CNTNAP2: variants seen among roughly 807,000 people sequenced by gnomAD.
CNTNAP2 encodes contactin associated protein 2, also known as contactin-associated protein-like 2.
Under a neutral mutation model 155.2 loss-of-function variants are expected in CNTNAP2, and 98 were observed. The observed-to-expected ratio is 0.63, with a 90% confidence interval of 0.54 to 0.75. CNTNAP2 has a LOEUF of 0.75. CNTNAP2 is among the 30% of genes least tolerant of loss of function. The pLI, the probability that CNTNAP2 is intolerant of heterozygous loss-of-function variation, is 0.00. For synonymous variants in CNTNAP2, 651 were observed against 631.2 expected, an observed-to-expected ratio of 1.03 and a Z score of -0.47; for missense variants, 1,727 against 1,688.1, an observed-to-expected ratio of 1.02 and a Z score of -0.40.
chr7:148,258,049 TG>T (rs1796487089), intron 20 of CNTNAP2, among the ~76,000 whole-genome samples: 1 of 152,218 alleles, frequency 6.6e-6, no homozygotes, highest in Admixed American at 6.5e-5. Context: ...GCCCTTTTCA[TG>T]TGGATCGTAA....
chr7:146,306,045 TA>T (rs1486045106), intron 1 of CNTNAP2, among the ~76,000 whole-genome samples: 1 of 151,806 alleles, frequency 6.6e-6, no homozygotes, highest in African/African-American at 2.4e-5. Flanking sequence ...ATAGACGCAA[TA>T]AAAAATTATA....
chr7:147,127,181 C>A (rs1801258088), intron 6 of CNTNAP2, among the ~76,000 whole-genome samples: 1 of 152,150 alleles, frequency 6.6e-6, no homozygotes, highest in Non-Finnish European at 1.5e-5. Flanking sequence ...CTAATATGTT[C>A]ATTTCAGTGC....
intron 21 of CNTNAP2, among the ~76,000 whole-genome samples, chr7:148,338,462 A>G (rs1026216135): frequency 2.2e-4 from 33 of 152,178 alleles, no homozygotes; most frequent in African/African-American, 7.5e-4. Flanking sequence ...TCCCATGGAC[A>G]AACTCTTCCC....
chr7:146,949,008 A>G (rs1158632349), intron 3 of CNTNAP2, among the ~76,000 whole-genome samples: 3 of 152,148 alleles, frequency 2.0e-5, no homozygotes, highest in African/African-American at 2.4e-5. Flanking sequence ...ATGCTTAACT[A>G]TATTACTTTT....
chr7:148,016,421 T>G (rs1802178098), intron 15 of CNTNAP2, among the ~76,000 whole-genome samples: 1 of 152,148 alleles, frequency 6.6e-6, no homozygotes, highest in Non-Finnish European at 1.5e-5. Context: ...CCCATGACAC[T>G]TGGATGCTCC....
At chr7:147,401,724 C>G (rs144950049) in intron 10 of CNTNAP2, among the ~76,000 whole-genome samples, 4 of 152,234 alleles carry the variant, frequency 2.6e-5, no homozygotes, top group African/African-American at 9.6e-5. Context: ...AGTGAGTTCT[C>G]ATGAGATCTG....
intron 1 of CNTNAP2, among the ~76,000 whole-genome samples, chr7:146,709,820 G>A (rs1240704112): frequency 6.6e-6 from 1 of 152,142 alleles, no homozygotes; most frequent in African/African-American, 2.4e-5. Flanking sequence ...GCCACAAAGG[G>A]CGGCCGGAGG....
At chr7:147,194,956 T>C (rs1343931941) in intron 8 of CNTNAP2, among the ~76,000 whole-genome samples, 1 of 152,232 alleles carries the variant, frequency 6.6e-6, no homozygotes, top group Non-Finnish European at 1.5e-5. Context: ...TGGCTTTTGT[T>C]GTAATTGCTT....
chr7:147,469,527 TTTTTTCTG>T (rs1249162607), intron 10 of CNTNAP2, among the ~76,000 whole-genome samples: 4 of 99,078 alleles, frequency 4.0e-5, no homozygotes, highest in Admixed American at 2.4e-4. Flanking sequence ...TTTTTTTTTT[TTTTTTCTG>T]TGAGACAAAG....
chr7:147,838,228 C>A (rs1265207284), intron 13 of CNTNAP2, among the ~76,000 whole-genome samples: 1 of 152,144 alleles, frequency 6.6e-6, no homozygotes, highest in African/African-American at 2.4e-5. Context: ...TGGGGCCACC[C>A]CACGAAACCA....
chr7:148,283,874 A>G (rs1315744480), intron 21 of CNTNAP2, among the ~76,000 whole-genome samples: 1 of 152,236 alleles, frequency 6.6e-6, no homozygotes, highest in Non-Finnish European at 1.5e-5. Context: ...ACTGAATATT[A>G]AATAAGATAC....
chr7:147,276,282 G>A (rs1804894305), intron 8 of CNTNAP2, among the ~76,000 whole-genome samples: 1 of 151,286 alleles, frequency 6.6e-6, no homozygotes, highest in African/African-American at 2.4e-5. Context: ...TCATTCATCT[G>A]GTAAAATTCA....
intron 14 of CNTNAP2, among the ~76,000 whole-genome samples, chr7:147,919,302 A>G (rs1800216304): frequency 6.6e-6 from 1 of 151,606 alleles, no homozygotes; most frequent in Non-Finnish European, 1.5e-5. Context: ...TTTTGTTTTG[A>G]GACAGGTCTC....
At chr7:146,830,066 A>G (rs1803481208) in intron 2 of CNTNAP2, among the ~76,000 whole-genome samples, 2 of 152,096 alleles carry the variant, frequency 1.3e-5, no homozygotes, top group South Asian at 4.1e-4. Context: ...CTCCCAATCT[A>G]TAGTTAGCCG....
chr7:147,650,623 GAATAT>G (rs1795435058), intron 13 of CNTNAP2, among the ~76,000 whole-genome samples: 1 of 152,046 alleles, frequency 6.6e-6, no homozygotes, highest in Non-Finnish European at 1.5e-5. Flanking sequence ...TAAGGATACA[GAATAT>G]AATATATATA....
chr7:148,007,567 A>C (rs1802003099), intron 15 of CNTNAP2, among the ~76,000 whole-genome samples: 1 of 152,178 alleles, frequency 6.6e-6, no homozygotes, highest in African/African-American at 2.4e-5. Context: ...AATCACTAAA[A>C]ATTCATTGAT....
At chr7:148,399,372 A>G (rs1433429184) in intron 22 of CNTNAP2, among the ~76,000 whole-genome samples, 3 of 152,224 alleles carry the variant, frequency 2.0e-5, no homozygotes, top group African/African-American at 7.2e-5. Flanking sequence ...ACATGAGTCC[A>G]GGAGTTCAAG....
At chr7:147,498,580 A>G (rs1241622186) in intron 11 of CNTNAP2, among the ~76,000 whole-genome samples, 1 of 152,228 alleles carries the variant, frequency 6.6e-6, no homozygotes, top group Non-Finnish European at 1.5e-5. Context: ...GGAGAAATTT[A>G]TTGAGAAGCA....
chr7:147,064,664 C>T (rs1271687622), intron 4 of CNTNAP2, among the ~76,000 whole-genome samples: 1 of 152,068 alleles, frequency 6.6e-6, no homozygotes, highest in Non-Finnish European at 1.5e-5. Context: ...GCAAAATATT[C>T]AATTAATAGC....
Sources: allele counts gnomAD v4.1 joint callset (sites outside exome capture counted in the v4.1 genomes callset), GRCh38; gene constraint gnomAD v4.1.1; transcripts MANE v1.5; gene names NCBI Gene and HGNC (gene_info 2026-07-23, HGNC 2026-07-21).